The following SORCS1 variants were observed in gnomAD, a reference collection of about 807,000 sequenced individuals.
SORCS1 encodes sortilin related VPS10 domain containing receptor 1.
SORCS1 carries 60 observed loss-of-function variants against 146.1 expected under a neutral mutation model. The ratio of observed to expected loss-of-function variants is 0.41; its 90% confidence interval spans 0.33 to 0.51. The LOEUF is 0.51. Among genes scored for constraint, SORCS1 ranks in the 20% least tolerant of loss-of-function variants. The pLI is 0.21. For synonymous variants in SORCS1, 637 were observed against 584.0 expected (o/e 1.09, Z -1.31); for missense variants, 1,352 against 1,487.6 (o/e 0.91, Z 1.50).
chr10:106,876,616 G>A (rs183236991), intron 2 of SORCS1, among the ~76,000 whole-genome samples: 1 of 152,342 alleles, frequency 6.6e-6, no homozygotes, highest in East Asian at 1.9e-4. Context: ...GTGGGTGGCA[G>A]TGGAATGACG....
intron 2 of SORCS1, among the ~76,000 whole-genome samples, chr10:106,881,002 A>G (rs55710280): frequency 0.086 from 12,530 of 146,526 alleles, 1,499 homozygotes; most frequent in African/African-American, 0.27. Context: ...GCGTGAACCC[A>G]GGAGGTGGAG....
chr10:107,080,733 T>C (rs1397594537), intron 1 of SORCS1, among the ~76,000 whole-genome samples: 1 of 152,218 alleles, frequency 6.6e-6, no homozygotes, highest in African/African-American at 2.4e-5. Context: ...AGTTCTGCTC[T>C]TTTTCATCCT....
chr10:106,748,206 T>A (rs1186766232), intron 5 of SORCS1, among the ~76,000 whole-genome samples: 2 of 152,218 alleles, frequency 1.3e-5, no homozygotes, highest in African/African-American at 4.8e-5. Flanking sequence ...CAGCCCTTCA[T>A]GCAGCAATTC....
chr10:106,747,393 G>T (rs1857819424), intron 5 of SORCS1, among the ~76,000 whole-genome samples: 1 of 152,160 alleles, frequency 6.6e-6, no homozygotes, highest in African/African-American at 2.4e-5. Flanking sequence ...TTTTAGAAGA[G>T]ATTCCTGCAA....
chr10:107,166,327 A>G (rs192345318), upstream of SORCS1, among the ~76,000 whole-genome samples: 1 of 152,366 alleles, frequency 6.6e-6, no homozygotes, highest in East Asian at 1.9e-4. Flanking sequence ...TGTCCAAGAA[A>G]ACGTCTGTTA....
chr10:106,748,069 T>C (rs1183406004), intron 5 of SORCS1, among the ~76,000 whole-genome samples: 1 of 152,224 alleles, frequency 6.6e-6, no homozygotes, highest in African/African-American at 2.4e-5. Flanking sequence ...TGTACATCAG[T>C]AGGTATCTTA....
At chr10:107,047,663 T>C (rs2134027707) in intron 1 of SORCS1, among the ~76,000 whole-genome samples, 1 of 152,336 alleles carries the variant, frequency 6.6e-6, no homozygotes, top group South Asian at 2.1e-4. Context: ...TACTGCACTC[T>C]AGCCAAAACG....
At chr10:106,687,274 A>G (rs1159052183) in intron 10 of SORCS1, among the ~76,000 whole-genome samples, 1 of 152,202 alleles carries the variant, frequency 6.6e-6, no homozygotes, top group Non-Finnish European at 1.5e-5. Flanking sequence ...AACTCCTTGA[A>G]AGCAAGATTC....
At chr10:107,043,839 G>T (rs188965696) in intron 1 of SORCS1, among the ~76,000 whole-genome samples, 32 of 152,298 alleles carry the variant, frequency 2.1e-4, no homozygotes, top group South Asian at 1.0e-3. Flanking sequence ...CATAAAGGAA[G>T]ATCTGTGTCT....
At chr10:106,629,446 G>C (rs542600748) in intron 18 of SORCS1, 58 bp from the exon 19 acceptor site, 209 of 1,565,578 alleles carry the variant, frequency 1.3e-4, no homozygotes, top group African/African-American at 1.1e-3. Flanking sequence ...TCCTGCCTAG[G>C]GGACTGGGGA....
intron 10 of SORCS1, among the ~76,000 whole-genome samples, chr10:106,685,450 G>A (rs1852759302): frequency 6.6e-6 from 1 of 152,066 alleles, no homozygotes. Context: ...TAACAATAAG[G>A]ACCATGAAGA....
chr10:106,736,269 G>T (rs142391494), intron 5 of SORCS1, among the ~76,000 whole-genome samples: 18 of 152,254 alleles, frequency 1.2e-4, no homozygotes, highest in Admixed American at 1.1e-3. Flanking sequence ...GTAGATAACC[G>T]CAGAGCAAGT....
At chr10:106,982,102 G>A (rs1318753542) in intron 1 of SORCS1, among the ~76,000 whole-genome samples, 1 of 152,060 alleles carries the variant, frequency 6.6e-6, no homozygotes, top group African/African-American at 2.4e-5. Context: ...GAGTTCTCAG[G>A]TATAATTTAA....
chr10:106,810,895 G>A (rs1947422927), intron 3 of SORCS1, among the ~76,000 whole-genome samples: 1 of 151,888 alleles, frequency 6.6e-6, no homozygotes, highest in Non-Finnish European at 1.5e-5. Context: ...GAAATCATGA[G>A]GCTAGTTTTT....
rs1039435142 is a variant in SORCS1 at position 107,060,449 on chromosome 10, C to T, written c.558+103520G>A. On this transcript the variant is annotated intron_variant, in intron 1 of 25. Transcript: ENST00000263054. The surrounding 1 kb of genome is among the most constrained non-coding windows in gnomAD (Gnocchi z 4.1). The stretch of plus-strand genomic sequence containing the variant: ...TTTTATTGTCATGTACTTAGTGAAG[C>T]CTCAGACGTAGCAAACCTAAAAATG... Among the ~76,000 whole-genome samples, 2 of 152,048 alleles carry T rather than the reference C, an allele frequency of 1.3e-5. No individual in the cohort carries two copies. The highest frequency in any genetic ancestry group is 1.9e-4 in the East Asian group (1 of 5,186).
chr10:106,616,289 T>C (rs762505263), intron 21 of SORCS1, among the ~76,000 whole-genome samples: 4 of 152,022 alleles, frequency 2.6e-5, no homozygotes, highest in Non-Finnish European at 4.4e-5. Context: ...TAGTGCAACC[T>C]GTGACATCCA....
chr10:106,639,715 A>C (rs1407828491), intron 18 of SORCS1, among the ~76,000 whole-genome samples: 7 of 152,218 alleles, frequency 4.6e-5, no homozygotes, highest in African/African-American at 1.4e-4. Context: ...CATCGAAATC[A>C]GCTTCCACTC....
intron 1 of SORCS1, among the ~76,000 whole-genome samples, chr10:106,995,696 A>G (rs1238052094): frequency 6.6e-6 from 1 of 152,174 alleles, no homozygotes; most frequent in Non-Finnish European, 1.5e-5. Context: ...TGCTCAAAAA[A>G]TATTCGTCAT....
At chr10:107,132,713 A>G (rs796614861) in intron 1 of SORCS1, among the ~76,000 whole-genome samples, 1 of 152,326 alleles carries the variant, frequency 6.6e-6, no homozygotes, top group African/African-American at 2.4e-5. Context: ...AGTTCCATTC[A>G]AACAATCGAT....
Sources: allele counts gnomAD v4.1 joint callset (sites outside exome capture counted in the v4.1 genomes callset), GRCh38; gene constraint gnomAD v4.1.1; non-coding constraint Gnocchi (gnomAD v3.1); transcripts MANE v1.5; gene names NCBI Gene and HGNC (gene_info 2026-07-23, HGNC 2026-07-21).